TMEM116: variants seen among roughly 807,000 people sequenced by gnomAD.
The protein encoded by TMEM116 is transmembrane protein 116.
TMEM116 carries 38 observed loss-of-function variants against 44.3 expected under a neutral mutation model. The observed-to-expected ratio is 0.86, with a 90% CI of 0.66 to 1.12. The LOEUF is 1.12. Among genes scored for constraint, TMEM116 ranks in the 50% most tolerant of loss-of-function variants. The pLI, the probability that TMEM116 is intolerant of heterozygous loss-of-function variation, is 0.00. For missense variants in TMEM116, 354 were observed against 401.7 expected (o/e 0.88, Z 1.01); for synonymous variants, 132 against 144.8 (o/e 0.91, Z 0.64).
intron 3 of TMEM116, among the ~76,000 whole-genome samples, chr12:111,997,163 GTGTT>G (rs1163540062): frequency 6.6e-6 from 1 of 152,182 alleles, no homozygotes; most frequent in Non-Finnish European, 1.5e-5. Flanking sequence ...CTTGTCACTA[GTGTT>G]TGTTTATAAT....
intron 3 of TMEM116, among the ~76,000 whole-genome samples, chr12:111,998,098 T>C (rs1434255845): frequency 4.6e-5 from 7 of 152,244 alleles, no homozygotes; most frequent in African/African-American, 1.2e-4. Context: ...GTCTTGGACA[T>C]GTCTGAAGAA....
intron 4 of TMEM116, among the ~76,000 whole-genome samples, chr12:111,949,971 TG>T (rs2073591987): frequency 6.6e-6 from 1 of 151,992 alleles, no homozygotes; most frequent in Admixed American, 6.6e-5. Flanking sequence ...AAAAATTAGC[TG>T]GGCATGGTAG....
chr12:111,955,976 A>G (rs2074060983), intron 4 of TMEM116, among the ~76,000 whole-genome samples: 1 of 152,196 alleles, frequency 6.6e-6, no homozygotes, highest in Admixed American at 6.5e-5. Flanking sequence ...CTAATGATGC[A>G]TTTTCAGAAT....
chr12:111,947,174 T>C, intron 4 of TMEM116, among the ~76,000 whole-genome samples: 1 of 143,724 alleles, frequency 7.0e-6, no homozygotes, highest in African/African-American at 2.6e-5. Context: ...TTTAAAGACT[T>C]TTTTTTTTTT....
chr12:111,991,840 CA>C lies in TMEM116; in HGVS notation c.127del (p.Cys43AlafsTer13), dbSNP rs1437339886. On this transcript the variant is annotated frameshift_variant, in exon 4 of 11. Transcript: ENST00000552374. LOFTEE classifies it high-confidence loss of function. ...LSFCDLLLGL[C>X]WLTETLLYGA... ...ATAGAGAAGTGTCTCCGTGAGCCAGCAAAGTCCCAGGAGCAGGTCACAGAAG... is the reference window on the plus strand; with the variant it reads ...ATAGAGAAGTGTCTCCGTGAGCCAGCAAGTCCCAGGAGCAGGTCACAGAAG... 6.5e-7 allele frequency: 1 copy of C among 1,535,904 alleles called. No homozygotes were observed. The highest frequency in any genetic ancestry group is 2.0e-5 in the Admixed American group (1 of 50,958).
At chr12:111,979,860 G>A (rs560432669) in intron 4 of TMEM116, among the ~76,000 whole-genome samples, 32 of 152,172 alleles carry the variant, frequency 2.1e-4, no homozygotes, top group Non-Finnish European at 3.5e-4. Context: ...TGTCATTAGA[G>A]AGCTGAAAAT....
At chr12:111,994,099 T>C (rs758787898) in intron 3 of TMEM116, among the ~76,000 whole-genome samples, 8 of 152,184 alleles carry the variant, frequency 5.3e-5, no homozygotes, top group Non-Finnish European at 8.8e-5. Flanking sequence ...TGCTTGTTGA[T>C]CAGTGTTGAA....
At chr12:112,002,834 T>G (rs1378581074) in intron 3 of TMEM116, among the ~76,000 whole-genome samples, 1 of 152,198 alleles carries the variant, frequency 6.6e-6, no homozygotes, top group Non-Finnish European at 1.5e-5. Context: ...ATTTTCCACA[T>G]ATAAAAGCTC....
At chr12:111,992,703 T>G (rs563295646) in intron 3 of TMEM116, among the ~76,000 whole-genome samples, 1 of 152,336 alleles carries the variant, frequency 6.6e-6, no homozygotes, top group East Asian at 1.9e-4. Flanking sequence ...GAACTGTATG[T>G]GTTGCCTTTC....
chr12:111,940,507 ACAC>A (rs1415432692), intron 5 of TMEM116, among the ~76,000 whole-genome samples: 25 of 133,958 alleles, frequency 1.9e-4, no homozygotes, highest in African/African-American at 7.2e-4. Flanking sequence ...ACATATATAT[ACAC>A]ACATATATAT....
chr12:112,003,816 A>C lies in TMEM116; in HGVS notation c.62T>G (p.Ile21Arg). 1 of 1,513,440 alleles carries C rather than the reference A, an allele frequency of 6.6e-7. No homozygotes were observed. Among genetic ancestry groups the C allele is most frequent in the Non-Finnish European group, 8.8e-7 (1 of 1,140,328 alleles). 93.8% of individuals were successfully genotyped at this position (1,513,440 alleles called of 1,614,324 possible). The part of the protein sequence containing the change: ...SLIAYAVFHN[I>R]QKSPEIRPLF... Reference sequence around the variant, plus strand: ...ATCACTCACCTCTGGAGATTTCTGTATATTATGGAATACAGCATAGGCAAT... The same window carrying C: ...ATCACTCACCTCTGGAGATTTCTGTCTATTATGGAATACAGCATAGGCAAT... The change falls in exon 3 of 11, where the codon ATA (isoleucine) becomes AGA (arginine). Residue 21 changes from isoleucine to arginine, a missense_variant. Transcript: ENST00000552374.
chr12:111,936,030 T>A (rs2072134512), intron 8 of TMEM116: 1 of 152,190 alleles, frequency 6.6e-6, no homozygotes, highest in Non-Finnish European at 1.5e-5. Flanking sequence ...TGGGACACAT[T>A]TGATCTGCAG....
intron 4 of TMEM116, chr12:111,965,657 G>T: frequency 3.0e-6 from 1 of 334,962 alleles, no homozygotes. Context: ...AGGTGCAGTG[G>T]CTCACACCTG....
At chr12:111,962,985 T>A (rs1162031041) in intron 4 of TMEM116, among the ~76,000 whole-genome samples, 1 of 151,840 alleles carries the variant, frequency 6.6e-6, no homozygotes, top group African/African-American at 2.4e-5. Flanking sequence ...AACAACTCCA[T>A]CAAAAAGTGG....
At chr12:111,972,287 G>A (rs1198324204) in intron 4 of TMEM116, among the ~76,000 whole-genome samples, 1 of 151,940 alleles carries the variant, frequency 6.6e-6, no homozygotes, top group African/African-American at 2.4e-5. Flanking sequence ...TAATCAAGAG[G>A]TCATAAAAAT....
At chr12:111,952,906 C>T (rs1422380637) in intron 4 of TMEM116, among the ~76,000 whole-genome samples, 1 of 152,124 alleles carries the variant, frequency 6.6e-6, no homozygotes, top group Non-Finnish European at 1.5e-5. Context: ...CTCTAGAGAA[C>T]CCTAATACAA....
intron 4 of TMEM116, among the ~76,000 whole-genome samples, chr12:111,983,600 C>A (rs985074295): frequency 6.6e-6 from 1 of 151,620 alleles, no homozygotes; most frequent in African/African-American, 2.4e-5. Flanking sequence ...CTGTCTCAAA[C>A]AATAATAATA....
At chr12:111,994,004 C>G (rs2076779232) in intron 3 of TMEM116, 1 of 572,336 alleles carries the variant, frequency 1.7e-6, no homozygotes, top group Non-Finnish European at 3.4e-6. Context: ...TTCAGCCTCC[C>G]TTGCCCTCCC....
intron 1 of TMEM116, among the ~76,000 whole-genome samples, chr12:112,008,871 A>T (rs2077707601): frequency 6.6e-6 from 1 of 151,510 alleles, no homozygotes; most frequent in Non-Finnish European, 1.5e-5. Flanking sequence ...GCTATTCAGG[A>T]GGCTGAGGCA....
Sources: allele counts gnomAD v4.1 joint callset (sites outside exome capture counted in the v4.1 genomes callset), GRCh38; gene constraint gnomAD v4.1.1; transcripts MANE v1.5; gene names NCBI Gene and HGNC (gene_info 2026-07-23, HGNC 2026-07-21).